RNF214: variants seen among roughly 807,000 people sequenced by gnomAD.
RNF214 encodes ring finger protein 214.
Under a neutral mutation model 75.9 loss-of-function variants are expected in RNF214, and 25 were observed. The ratio of observed to expected loss-of-function variants is 0.33; its 90% CI spans 0.24 to 0.46. The LOEUF (loss-of-function observed/expected upper bound fraction) is 0.46, where lower values mean the gene tolerates loss of function less well. Ranked by LOEUF, RNF214 falls within the 20% of genes least tolerant of loss-of-function variation. The pLI is 1.00. For synonymous variants in RNF214, 314 were observed against 308.8 expected (o/e 1.02, Z -0.18); for missense variants, 725 against 857.5 (o/e 0.85, Z 1.93).
chr11:117,232,911 G>A (rs1247453780), intron 1 of RNF214, 185 bp downstream of exon 1: 1 of 148,638 alleles, frequency 6.7e-6, no homozygotes, highest in Non-Finnish European at 1.5e-5. Flanking sequence ...GTGGCTGGCA[G>A]CGGGGTGGGG....
intron 2 of RNF214, among the ~76,000 whole-genome samples, chr11:117,235,272 C>T (rs1293154397): frequency 6.6e-6 from 1 of 152,156 alleles, no homozygotes; most frequent in Non-Finnish European, 1.5e-5. Context: ...TCTCGGCTCA[C>T]TGCAAGCTCT....
At position 117,256,223 on chromosome 11, in the gene RNF214, C is replaced by T. The variant is rs568850238; in HGVS notation, c.959+9275C>T. ...GTATACTGCTATCATAACACTTCTTCGTGGCCTTTTTTGTTTACTTAACTG... is the reference window on the plus strand; with the variant it reads ...GTATACTGCTATCATAACACTTCTTTGTGGCCTTTTTTGTTTACTTAACTG... On this transcript the variant is annotated intron_variant, in intron 6 of 14. Transcript: ENST00000300650. 2.0e-5 allele frequency among the ~76,000 whole-genome samples: 3 copies of T among 152,300 alleles called. No individual in the cohort carries two copies. The South Asian group carries it at 6.2e-4, about 32-fold the overall frequency.
In RNF214 at chr11:117,286,280, C is replaced by A. The variant is rs895048847; in HGVS notation, c.*1129C>A. The A allele has an allele frequency of 1.3e-5, 2 of 152,262 alleles. No individual in the cohort carries two copies. The highest frequency in any genetic ancestry group is 1.3e-4 in the Admixed American group (2 of 15,276). The allele number at this position is 152,262 out of a possible 1,614,324, so 9.4% of individuals were successfully genotyped here. ...AATCACTTGCTCTGTGGGTAGCTAT[C>A]AGGAACTAGATCATTTTCCACCTCT... On this transcript the variant is annotated 3_prime_UTR_variant, in exon 15 of 15. Coordinates refer to ENST00000300650, the MANE Select transcript of RNF214 (RefSeq NM_207343.4).
intron 6 of RNF214, among the ~76,000 whole-genome samples, chr11:117,268,592 TG>T (rs1334355010): frequency 3.3e-5 from 5 of 152,240 alleles, no homozygotes; most frequent in Non-Finnish European, 7.3e-5. Flanking sequence ...TGTCTTTCCT[TG>T]TAACTGTGTA....
Position 117,246,961 on chromosome 11 carries a change from A to G in RNF214, c.959+13A>G. On this transcript the variant is annotated intron_variant, in intron 6 of 14. Coordinates refer to ENST00000300650, the MANE Select transcript of RNF214 (RefSeq NM_207343.4). ...AGAAGGGCAGAAGGTAACTGATGTT[A>G]AGAATAAAAACCCTGTGTGTATGTA... is the stretch of plus-strand genomic sequence containing the variant. The G allele has an allele frequency of 6.3e-7, 1 of 1,597,092 alleles. No homozygotes were observed. Among genetic ancestry groups the G allele is most frequent in the Non-Finnish European group, 8.5e-7 (1 of 1,172,774 alleles).
intron 2 of RNF214, among the ~76,000 whole-genome samples, chr11:117,235,929 C>T (rs2032895213): frequency 6.6e-6 from 1 of 151,900 alleles, no homozygotes; most frequent in South Asian, 2.1e-4. Context: ...GGACCACATT[C>T]TACATAAAGA....
chr11:117,233,129 C>T (rs1428311466), intron 1 of RNF214, among the ~76,000 whole-genome samples: 1 of 152,206 alleles, frequency 6.6e-6, no homozygotes, highest in Non-Finnish European at 1.5e-5. Context: ...TTTTGGTACA[C>T]TCGACCCTCC....
At chr11:117,252,460 G>A (rs756278674) in intron 6 of RNF214, among the ~76,000 whole-genome samples, 2 of 152,242 alleles carry the variant, frequency 1.3e-5, no homozygotes, top group Non-Finnish European at 2.9e-5. Context: ...TGTCTTATAC[G>A]TTTTAACTTA....
At chr11:117,243,213 C>G (rs1387279314) in intron 4 of RNF214, among the ~76,000 whole-genome samples, 1 of 152,240 alleles carries the variant, frequency 6.6e-6, no homozygotes, top group Non-Finnish European at 1.5e-5. Flanking sequence ...GGGGCACAGT[C>G]TCTGCTCACT....
intron 6 of RNF214, among the ~76,000 whole-genome samples, chr11:117,263,182 A>C (rs1038865226): frequency 2.0e-5 from 3 of 151,660 alleles, no homozygotes; most frequent in Non-Finnish European, 4.4e-5. Flanking sequence ...ATACACATAC[A>C]TTTATGATTG....
At chr11:117,257,091 C>G (rs1239998021) in intron 6 of RNF214, among the ~76,000 whole-genome samples, 2 of 152,146 alleles carry the variant, frequency 1.3e-5, no homozygotes, top group African/African-American at 4.8e-5. Flanking sequence ...AATCCCAGCT[C>G]TTTGGGAGGC....
chr11:117,264,946 A>G (rs1565341726), intron 6 of RNF214, among the ~76,000 whole-genome samples: 1 of 151,532 alleles, frequency 6.6e-6, no homozygotes, highest in Non-Finnish European at 1.5e-5. Context: ...ATGTGTCTGT[A>G]CTCCCAGCTA....
intron 4 of RNF214, among the ~76,000 whole-genome samples, chr11:117,240,779 C>T (rs959331289): frequency 8.6e-5 from 13 of 151,982 alleles, no homozygotes; most frequent in Non-Finnish European, 1.5e-4. Context: ...CGGTGACTCA[C>T]GCCTGTAATC....
chr11:117,258,090 T>C (rs531709800), intron 6 of RNF214, among the ~76,000 whole-genome samples: 1 of 152,050 alleles, frequency 6.6e-6, no homozygotes, highest in East Asian at 1.9e-4. Flanking sequence ...TTTTTCTTTT[T>C]TTTTTTCTTT....
At chr11:117,273,477 A>G (rs2033951317) in intron 6 of RNF214, among the ~76,000 whole-genome samples, 1 of 67,950 alleles carries the variant, frequency 1.5e-5, no homozygotes, top group Non-Finnish European at 2.3e-5. Context: ...TGTATGTTGT[A>G]TGGGGAAGAG....
At chr11:117,257,135 G>A (rs182162521) in intron 6 of RNF214, among the ~76,000 whole-genome samples, 2 of 152,238 alleles carry the variant, frequency 1.3e-5, no homozygotes, top group East Asian at 1.9e-4. Context: ...GCAGGAGTTC[G>A]AGACCAGCCT....
chr11:117,284,523 AT>A (rs750972740), intron 14 of RNF214, among the ~76,000 whole-genome samples: 65 of 152,328 alleles, frequency 4.3e-4, no homozygotes, highest in Non-Finnish European at 7.5e-4. Context: ...CACACTAGAC[AT>A]TCAACAAAAA....
At chr11:117,247,081 C>A in intron 6 of RNF214, 133 bp downstream of exon 6, 1 of 677,508 alleles carries the variant, frequency 1.5e-6, no homozygotes, top group Non-Finnish European at 2.3e-6. Flanking sequence ...TAAAAACTCT[C>A]CAATGACTTT....
At chr11:117,278,030 C>T (rs937817695) in intron 6 of RNF214, among the ~76,000 whole-genome samples, 7 of 151,352 alleles carry the variant, frequency 4.6e-5, no homozygotes, top group Non-Finnish European at 8.8e-5. Context: ...CTTGGCCGGG[C>T]GCAGAGGCTC....
Sources: gnomAD v4.1 joint callset for allele counts (sites outside exome capture counted in the v4.1 genomes callset) on GRCh38, gnomAD v4.1.1 for gene constraint, MANE v1.5 for transcripts, NCBI Gene and HGNC (gene_info 2026-07-23, HGNC 2026-07-21) for gene names.